RAB7A: variants seen among roughly 807,000 people sequenced by gnomAD.
RAB7A encodes RAB7A, member RAS oncogene family.
A neutral mutation model predicts 24.5 loss-of-function variants in RAB7A; 2 were observed. The observed-to-expected ratio is 0.08, with a 90% confidence interval of 0.03 to 0.26. RAB7A has a LOEUF of 0.26. RAB7A is among the 10% of genes least tolerant of loss of function. The pLI is 1.00. For missense variants in RAB7A, 118 were observed against 255.7 expected (o/e 0.46, Z 3.67); for synonymous variants, 100 against 95.9 (o/e 1.04, Z -0.25).
intron 1 of RAB7A, among the ~76,000 whole-genome samples, chr3:128,789,363 T>G (rs939786043): frequency 6.6e-6 from 1 of 151,548 alleles, no homozygotes; most frequent in Admixed American, 6.6e-5. Flanking sequence ...TTTGACTTCA[T>G]TTCGCTCTGT....
chr3:128,774,461 C>A (rs994003819), intron 1 of RAB7A, among the ~76,000 whole-genome samples: 1 of 145,922 alleles, frequency 6.9e-6, no homozygotes, highest in Non-Finnish European at 1.5e-5. Context: ...GCTCTTGGAT[C>A]TTTTTTTTTT....
chr3:128,728,258 C>T (rs2070399664), intron 1 of RAB7A, among the ~76,000 whole-genome samples: 1 of 152,282 alleles, frequency 6.6e-6, no homozygotes, highest in African/African-American at 2.4e-5. Flanking sequence ...TATTTCTCAT[C>T]TCTGCTGGTG....
chr3:128,743,760 C>G (rs984364855), intron 1 of RAB7A, among the ~76,000 whole-genome samples: 11 of 151,062 alleles, frequency 7.3e-5, no homozygotes, highest in Non-Finnish European at 1.6e-4. Flanking sequence ...CAATATCAGC[C>G]TATTCAACAT....
chr3:128,769,202 T>G (rs944200093), intron 1 of RAB7A, among the ~76,000 whole-genome samples: 8 of 151,972 alleles, frequency 5.3e-5, no homozygotes, highest in African/African-American at 1.9e-4. Context: ...CCCAGAACAT[T>G]TTCATCACCC....
intron 1 of RAB7A, chr3:128,764,509 A>T: frequency 3.7e-6 from 3 of 819,894 alleles, no homozygotes; most frequent in Non-Finnish European, 6.4e-6. Flanking sequence ...CTTGTTAAAG[A>T]TATATTCTGC....
In RAB7A at chr3:128,813,570, C is replaced by T. The variant is rs969906629; in HGVS notation, c.*148C>T. 1.1e-5 allele frequency: 8 copies of T among 714,832 alleles called. No homozygotes were observed. Among genetic ancestry groups the T allele is most frequent in the African/African-American group, 1.8e-5 (1 of 57,094 alleles). The allele number at this position is 714,832 out of a possible 1,614,324, so 44.3% of individuals were successfully genotyped here. On this transcript the variant is annotated 3_prime_UTR_variant, in exon 6 of 6. Coordinates refer to ENST00000265062, the MANE Select transcript of RAB7A (RefSeq NM_004637.6). The stretch of plus-strand genomic sequence containing the variant: ...AAGAAAACCCCATCAAACACAGTTA[C>T]ACCCCACATATCTCTCACACACACA...
chr3:128,787,004 C>T (rs1933355689), intron 1 of RAB7A, among the ~76,000 whole-genome samples: 1 of 152,162 alleles, frequency 6.6e-6, no homozygotes, highest in African/African-American at 2.4e-5. Flanking sequence ...TAACCTCAAC[C>T]ATTTGAAGGA....
In RAB7A at chr3:128,774,420, C is replaced by T. The variant is rs149080047; in HGVS notation, c.-8-20940C>T. Among the ~76,000 whole-genome samples the T allele has an allele frequency of 8.6e-5, 13 of 151,194 alleles. No homozygotes were observed. The East Asian group carries it at 2.5e-3, about 29-fold the overall frequency. ...AAAGTTCACCTTTCAACCAGTCTTC[C>T]AGTCAGTTGGATCATCTTTTGAACT... is the stretch of plus-strand genomic sequence containing the variant. On this transcript the variant is annotated intron_variant, in intron 1 of 5. Transcript: ENST00000265062.
rs914484361 is a variant in RAB7A at position 128,763,381 on chromosome 3, A to AT, written c.-8-31970dup. Among the ~76,000 whole-genome samples the AT allele has an allele frequency of 1.3e-4, 19 of 149,434 alleles. No homozygotes were observed. The East Asian group carries it at 1.8e-3, about 14-fold the overall frequency. On this transcript the variant is annotated intron_variant, in intron 1 of 5. Transcript: ENST00000265062. ...AGGCACCCGCCACCACGCCTGGCTA[A>AT]TTTTTTTTTGTATTTTTAGTAGAGA... is the stretch of plus-strand genomic sequence containing the variant.
chr3:128,802,534 G>A (rs1933721728), intron 3 of RAB7A, among the ~76,000 whole-genome samples: 8 of 151,996 alleles, frequency 5.3e-5, no homozygotes, highest in Admixed American at 4.6e-4. Flanking sequence ...TTTTTGAGAT[G>A]GAGTCTCACT....
intron 1 of RAB7A, among the ~76,000 whole-genome samples, chr3:128,788,369 A>C (rs1576295519): frequency 6.6e-6 from 1 of 152,224 alleles, no homozygotes; most frequent in Non-Finnish European, 1.5e-5. Context: ...AATTGTGAAG[A>C]AGGAAAAAGA....
At chr3:128,800,651 A>C (rs1281802770) in intron 3 of RAB7A, among the ~76,000 whole-genome samples, 2 of 152,198 alleles carry the variant, frequency 1.3e-5, no homozygotes, top group Admixed American at 1.3e-4. Context: ...CACAGCACTG[A>C]GGCTGTCAGG....
intron 1 of RAB7A, among the ~76,000 whole-genome samples, chr3:128,742,535 C>T (rs2070565133): frequency 6.6e-6 from 1 of 152,160 alleles, no homozygotes; most frequent in African/African-American, 2.4e-5. Flanking sequence ...CTGATCTAGA[C>T]ACAGAGTGCT....
chr3:128,768,081 A>C lies in RAB7A; in HGVS notation c.-8-27279A>C, dbSNP rs532883131. Among the ~76,000 whole-genome samples, 32 of 152,192 alleles carry C rather than the reference A, an allele frequency of 2.1e-4. No individual in the cohort carries two copies. The South Asian group carries it at 6.4e-3, about 31-fold the overall frequency. ...TTCTTCGTAATTCACCCTCCTGCCT[A>C]CTGCCCTTCCTTACCCCTCTCCAGG... On this transcript the variant is annotated intron_variant, in intron 1 of 5. Coordinates refer to ENST00000265062, the MANE Select transcript of RAB7A (RefSeq NM_004637.6).
chr3:128,762,592 G>GA (rs1559785910), intron 1 of RAB7A, among the ~76,000 whole-genome samples: 1 of 152,122 alleles, frequency 6.6e-6, no homozygotes, highest in Non-Finnish European at 1.5e-5. Flanking sequence ...AGTGAGATGG[G>GA]GTGAGAGTTA....
At position 128,740,780 on chromosome 3, in the gene RAB7A, G is replaced by A. The variant is rs138815268; in HGVS notation, c.-9+14421G>A. ...TAGCTGGGTGTGGTGGCACATACTT[G>A]TAGTCACACCTACTTGGGAGATTCA... On this transcript the variant is annotated intron_variant, in intron 1 of 5. Coordinates refer to ENST00000265062, the MANE Select transcript of RAB7A (RefSeq NM_004637.6). 3.1e-3 allele frequency among the ~76,000 whole-genome samples: 471 copies of A among 150,216 alleles called. 6 individuals carry two copies. The highest frequency in any genetic ancestry group is 0.028 in the Middle Eastern group (8 of 286).
At chr3:128,753,373 A>G (rs560124244) in intron 1 of RAB7A, among the ~76,000 whole-genome samples, 431 of 122,998 alleles carry the variant, frequency 3.5e-3, no homozygotes, top group African/African-American at 0.012. Flanking sequence ...AAGGGGGGGG[A>G]AAAAGAATGT....
intron 1 of RAB7A, among the ~76,000 whole-genome samples, chr3:128,747,922 C>T (rs1211870474): frequency 1.3e-5 from 2 of 151,740 alleles, no homozygotes; most frequent in Non-Finnish European, 2.9e-5. Context: ...CACGTGCCAC[C>T]ACGCCCAGCT....
intron 1 of RAB7A, among the ~76,000 whole-genome samples, chr3:128,748,205 T>C (rs1380169513): frequency 6.6e-6 from 1 of 152,190 alleles, no homozygotes; most frequent in African/African-American, 2.4e-5. Flanking sequence ...AAGATTATCG[T>C]TGGGGACAGG....
Sources: allele counts gnomAD v4.1 joint callset (sites outside exome capture counted in the v4.1 genomes callset), GRCh38; gene constraint gnomAD v4.1.1; transcripts MANE v1.5; gene names NCBI Gene and HGNC (gene_info 2026-07-23, HGNC 2026-07-21).